HEY2: variants seen among roughly 807,000 people sequenced by gnomAD.
HEY2 encodes the protein hairy/enhancer-of-split related with YRPW motif protein 2.
In HEY2, 10 loss-of-function variants were observed where a neutral mutation model predicts 18.1. That is an observed-to-expected ratio of 0.55 (90% confidence interval 0.34 to 0.94). The LOEUF (loss-of-function observed/expected upper bound fraction) is 0.94. HEY2 is among the 40% of genes least tolerant of loss of function. HEY2 has a pLI of 0.02. For missense variants in HEY2, 455 were observed against 455.9 expected, an observed-to-expected ratio of 1.00 and a Z score of 0.02; for synonymous variants, 210 against 182.7, an observed-to-expected ratio of 1.15 and a Z score of -1.21.
chr6:125,758,980 G>A (rs1460192708), intron 4 of HEY2, 137 bp from the exon 5 acceptor site: 7 of 616,300 alleles, frequency 1.1e-5, no homozygotes, highest in Admixed American at 6.9e-5. Flanking sequence ...TTCCAGAAAG[G>A]ATTATCGTTC....
intron 4 of HEY2, among the ~76,000 whole-genome samples, chr6:125,756,693 A>T (rs1288198950): frequency 6.6e-6 from 1 of 152,216 alleles, no homozygotes; most frequent in Non-Finnish European, 1.5e-5. Flanking sequence ...CCTGATTTCA[A>T]ATCCTGGTTC....
rs767236034 is a variant in HEY2, at chr6:125,754,578, T to G, written c.328+32T>G. The G allele has an allele frequency of 1.9e-5, 17 of 914,370 alleles. No homozygotes were observed. The East Asian group carries it at 2.4e-4, about 13-fold the overall frequency. 56.6% of individuals were successfully genotyped at this position (914,370 alleles called of 1,614,324 possible). A position where few individuals can be genotyped will look rare whatever the true frequency, so the allele number is the denominator to read the frequency against. On this transcript the variant is annotated intron_variant, in intron 4 of 4. Transcript: ENST00000368364. ...AGATGACTTCATTTTTTTTTTTTTT[T>G]GCCTTTTTTACCTTTCTCTTTTCAT... is the stretch of plus-strand genomic sequence containing the variant.
intron 4 of HEY2, among the ~76,000 whole-genome samples, chr6:125,756,499 A>G (rs891876908): frequency 3.3e-5 from 5 of 152,060 alleles, no homozygotes; most frequent in African/African-American, 1.2e-4. Flanking sequence ...CCCGGGAGGC[A>G]GAGGTTGTGG....
rs1400121567 is a variant in HEY2, at chr6:125,760,222, TTTC to T, written c.*425_*427del. On this transcript the variant is annotated 3_prime_UTR_variant, in exon 5 of 5. Coordinates refer to ENST00000368364, the MANE Select transcript of HEY2 (RefSeq NM_012259.3). ...TCGTAAGTGCCTGAGCTTAGGAAGT[TTTC>T]TTCTGGATATATAACATTGCACAAG... 4 of 178,330 alleles carry T rather than the reference TTTC, an allele frequency of 2.2e-5. No individual in the cohort carries two copies. The highest frequency in any genetic ancestry group is 9.6e-5 in the African/African-American group (4 of 41,686). The allele number at this position is 178,330 out of a possible 1,614,324, so 11.0% of individuals were successfully genotyped here.
intron 1 of HEY2, chr6:125,750,223 A>G (rs1331186647): frequency 2.0e-6 from 2 of 982,844 alleles, no homozygotes; most frequent in South Asian, 4.7e-5. Context: ...AAAATAGATC[A>G]GGAGAAAATA....
chr6:125,754,829 T>C (rs1302970995), intron 4 of HEY2, among the ~76,000 whole-genome samples: 1 of 152,204 alleles, frequency 6.6e-6, no homozygotes, highest in Admixed American at 6.5e-5. Flanking sequence ...GAGATTTGTT[T>C]AGGACTTAAG....
chr6:125,755,730 A>G (rs2128529068), intron 4 of HEY2, among the ~76,000 whole-genome samples: 1 of 152,358 alleles, frequency 6.6e-6, no homozygotes, highest in East Asian at 1.9e-4. Flanking sequence ...CTTCTCAAGG[A>G]ACCATCCTGA....
At chr6:125,754,310 G>A (rs1773609178) in intron 3 of HEY2, among the ~76,000 whole-genome samples, 155 bp from the exon 4 acceptor site, 1 of 152,180 alleles carries the variant, frequency 6.6e-6, no homozygotes, top group Non-Finnish European at 1.5e-5. Context: ...TTCATGTAAA[G>A]TTTGGAAAGA....
Position 125,759,887 on chromosome 6 carries a change from T to A in HEY2, c.*85T>A, listed in dbSNP as rs886715796. Reference sequence around the variant, plus strand: ...AACCTCTGCACCCTGAAGGTAGCCATACAGATGCCGACAGATCCACAAAGG... The same window carrying A: ...AACCTCTGCACCCTGAAGGTAGCCAAACAGATGCCGACAGATCCACAAAGG... On this transcript the variant is annotated 3_prime_UTR_variant, in exon 5 of 5. Coordinates refer to ENST00000368364, the MANE Select transcript of HEY2 (RefSeq NM_012259.3). 5.9e-5 allele frequency: 64 copies of A among 1,078,490 alleles called. No individual in the cohort carries two copies. The highest frequency in any genetic ancestry group is 7.9e-5 in the Non-Finnish European group (58 of 738,348). 66.8% of individuals were successfully genotyped at this position (1,078,490 alleles called of 1,614,324 possible).
rs1198545605 is a variant in HEY2 at position 125,759,715 on chromosome 6, A to G, written c.927A>G (p.Val309=). Reference sequence around the variant, plus strand: ...CAGCCATCAGCCCGCCCTTGTCAGTATCAGCCACGTCCAGTCCTCAGCAGA... The same window carrying G: ...CAGCCATCAGCCCGCCCTTGTCAGTGTCAGCCACGTCCAGTCCTCAGCAGA... The part of the protein sequence containing the change: ...AATAISPPLS[V]SATSSPQQTS... Residue 309 remains valine (V), a synonymous_variant, in exon 5 of 5, where the codon GTA becomes GTG. Coordinates refer to ENST00000368364, the MANE Select transcript of HEY2 (RefSeq NM_012259.3). 5 of 1,613,412 alleles carry G rather than the reference A, an allele frequency of 3.1e-6. No individual in the cohort carries two copies. Among genetic ancestry groups the G allele is most frequent in the Non-Finnish European group, 4.2e-6 (5 of 1,180,042 alleles).
intron 4 of HEY2, among the ~76,000 whole-genome samples, chr6:125,755,371 C>T (rs889733826): frequency 3.3e-5 from 5 of 152,202 alleles, no homozygotes; most frequent in African/African-American, 1.2e-4. Context: ...TTTCATCCTT[C>T]AAAGAATCCT....
In HEY2 at chr6:125,761,135, A is replaced by T. The variant is rs916158097; in HGVS notation, c.*1333A>T. ...AAGCAATAAACATTATGAGAATGTT[A>T]AACGTTATGCAAAATTATACTTTTA... On this transcript the variant is annotated 3_prime_UTR_variant, in exon 5 of 5. Coordinates refer to ENST00000368364, the MANE Select transcript of HEY2 (RefSeq NM_012259.3). 1 of 152,674 alleles carries T rather than the reference A, an allele frequency of 6.5e-6. No individual in the cohort carries two copies. The highest frequency in any genetic ancestry group is 2.4e-5 in the African/African-American group (1 of 41,460). The allele number at this position is 152,674 out of a possible 1,614,324, so 9.5% of individuals were successfully genotyped here.
rs3734639 is a variant in HEY2 at position 125,759,024 on chromosome 6, C to T, written c.329-93C>T. 345 of 841,708 alleles carry T rather than the reference C, an allele frequency of 4.1e-4. 3 individuals carry two copies. In the East Asian group the frequency reaches 6.8e-3, roughly 17 times the overall value. 52.1% of individuals were successfully genotyped at this position (841,708 alleles called of 1,614,324 possible). On this transcript the variant is annotated intron_variant, in intron 4 of 4. Coordinates refer to ENST00000368364, the MANE Select transcript of HEY2 (RefSeq NM_012259.3). ...TCTTCTGAAGGACAGAGTGGAACATCAGTGGGTGGTTATTGTTGACTATAC... is the reference window on the plus strand; with the variant it reads ...TCTTCTGAAGGACAGAGTGGAACATTAGTGGGTGGTTATTGTTGACTATAC...
intron 2 of HEY2, 50 bp from the exon 3 acceptor site, chr6:125,751,952 GTAATT>G: frequency 2.5e-6 from 4 of 1,588,686 alleles, no homozygotes; most frequent in Non-Finnish European, 3.5e-6. Context: ...TTTCATTTGA[GTAATT>G]TTATCATTTG....
At position 125,759,702 on chromosome 6, in the gene HEY2, C is replaced by A. The variant is rs748548829; in HGVS notation, c.914C>A (p.Pro305Gln). 6.2e-7 allele frequency: 1 copy of A among 1,613,184 alleles called. No homozygotes were observed. Among genetic ancestry groups the A allele is most frequent in the South Asian group, 1.1e-5 (1 of 91,084 alleles). Residue 305 changes from proline to glutamine, a missense_variant, in exon 5 of 5, where the codon CCG (proline) becomes CAG (glutamine). Transcript: ENST00000368364. ...AAVAAATAISPPLSVSATSSP... is the reference protein window; with the variant it reads ...AAVAAATAISQPLSVSATSSP... ...GTGGCCGCGGCCACAGCCATCAGCC[C>A]GCCCTTGTCAGTATCAGCCACGTCC...
In HEY2 at chr6:125,761,169, T is replaced by G. The variant is rs550064594; in HGVS notation, c.*1367T>G. ...GCAAAATTATACTTTTAAATATTTG[T>G]TTTGAAATTACTGTACCTAGTCTTT... On this transcript the variant is annotated 3_prime_UTR_variant, in exon 5 of 5. Coordinates refer to ENST00000368364, the MANE Select transcript of HEY2 (RefSeq NM_012259.3). 1 of 152,670 alleles carries G rather than the reference T, an allele frequency of 6.6e-6. No homozygotes were observed. The highest frequency in any genetic ancestry group is 2.1e-4 in the South Asian group (1 of 4,828). The allele number at this position is 152,670 out of a possible 1,614,324, so 9.5% of individuals were successfully genotyped here. A position where few individuals can be genotyped will look rare whatever the true frequency, so the allele number is the denominator to read the frequency against.
rs936823932 is a variant in HEY2 at position 125,754,413 on chromosome 6, G to A, written c.247-52G>A. On this transcript the variant is annotated intron_variant, in intron 3 of 4. Transcript: ENST00000368364. The stretch of plus-strand genomic sequence containing the variant: ...GCTAAATTCAGTGTATAATGTTTCA[G>A]ATTAGTTTCTGTAGGACATAGGATT... The A allele has an allele frequency of 4.6e-6, 5 of 1,091,082 alleles. No individual in the cohort carries two copies. In the African/African-American group the frequency reaches 8.1e-5, roughly 18 times the overall value. 67.6% of individuals were successfully genotyped at this position (1,091,082 alleles called of 1,614,324 possible). A position where few individuals can be genotyped will look rare whatever the true frequency, so the allele number is the denominator to read the frequency against.
At chr6:125,755,010 A>G (rs537006946) in intron 4 of HEY2, among the ~76,000 whole-genome samples, 15 of 152,342 alleles carry the variant, frequency 9.8e-5, no homozygotes, top group Non-Finnish European at 2.2e-4. Flanking sequence ...TAATTCAGCT[A>G]TTCCAAAGGA....
chr6:125,759,133 C>A lies in HEY2; in HGVS notation c.345C>A (p.His115Gln). The change falls in exon 5 of 5, where the codon CAC becomes CAA. Residue 115 changes from histidine to glutamine, a missense_variant. Physicochemically the swap from His to Gln is conservative, Grantham distance 24 (BLOSUM62 0). Transcript: ENST00000368364. ...ATGGKGYFDA[H>Q]ALAMDFMSIG... ...CACTTTTAGGCTACTTTGACGCACA[C>A]GCTCTTGCCATGGACTTCATGAGCA... 2 of 1,604,106 alleles carry A rather than the reference C, an allele frequency of 1.2e-6. No individual in the cohort carries two copies. The highest frequency in any genetic ancestry group is 1.7e-5 in the Admixed American group (1 of 58,988).
Sources: gnomAD v4.1 joint callset for allele counts (sites outside exome capture counted in the v4.1 genomes callset) on GRCh38, gnomAD v4.1.1 for gene constraint, MANE v1.5 for transcripts, NCBI Gene and HGNC (gene_info 2026-07-23, HGNC 2026-07-21) for gene names.